Variants in SZT2 observed in about 807,000 individuals in gnomAD.
The protein encoded by SZT2 is SZT2 subunit of KICSTOR complex.
Under a neutral mutation model 404.2 loss-of-function variants are expected in SZT2, and 216 were observed. The observed-to-expected ratio is 0.53, with a 90% confidence interval of 0.48 to 0.60. The LOEUF (loss-of-function observed/expected upper bound fraction) is 0.60. Ranked by LOEUF, SZT2 falls within the 20% of genes least tolerant of loss-of-function variation. SZT2 has a pLI of 0.00. For synonymous variants in SZT2, 1,693 were observed against 1,749.9 expected, an observed-to-expected ratio of 0.97 and a Z score of 0.81; for missense variants, 3,857 against 4,459.2, an observed-to-expected ratio of 0.86 and a Z score of 3.85.
rs1229603505 is a variant in SZT2 at position 43,425,244 on chromosome 1, G to T, written c.2645+37G>T. 1 of 1,611,374 alleles carries T rather than the reference G, an allele frequency of 6.2e-7. No individual in the cohort carries two copies. The highest frequency in any genetic ancestry group is 8.5e-7 in the Non-Finnish European group (1 of 1,177,776). On this transcript the variant is annotated intron_variant, in intron 18 of 71. Transcript: ENST00000634258. This position sits in a 1 kb window ranked among gnomAD's most constrained non-coding sequence, Gnocchi z 4.3. Reference sequence around the variant, plus strand: ...CATCTGTGAGGGCCGCCTCTGCAGAGTCAGCCTTCTCCCCACCATCCCCTA... The same window carrying T: ...CATCTGTGAGGGCCGCCTCTGCAGATTCAGCCTTCTCCCCACCATCCCCTA...
chr1:43,438,069 C>T, intron 46 of SZT2, 167 bp downstream of exon 46: 1 of 661,560 alleles, frequency 1.5e-6, no homozygotes, highest in Non-Finnish European at 2.6e-6. Flanking sequence ...GCTCCAGACC[C>T]TCTGGGACTT....
chr1:43,401,736 T>C (rs946780075), intron 1 of SZT2, among the ~76,000 whole-genome samples: 1 of 152,172 alleles, frequency 6.6e-6, no homozygotes, highest in African/African-American at 2.4e-5. Flanking sequence ...TCCACCCGCC[T>C]CGGCCTCCTG....
intron 67 of SZT2, 57 bp downstream of exon 67, chr1:43,447,755 C>G: frequency 6.2e-7 from 1 of 1,610,464 alleles, no homozygotes; most frequent in East Asian, 2.2e-5. Flanking sequence ...TTGGGACATA[C>G]TTGCAGTAGG....
At chr1:43,446,845 C>A in intron 65 of SZT2, 110 bp from the exon 66 acceptor site, 1 of 1,184,754 alleles carries the variant, frequency 8.4e-7, no homozygotes, top group Non-Finnish European at 1.2e-6. Flanking sequence ...TTCCACTAGG[C>A]CACAGCAGCA....
At chr1:43,416,315 A>G (rs116379826) in intron 6 of SZT2, among the ~76,000 whole-genome samples, 3 of 152,152 alleles carry the variant, frequency 2.0e-5, no homozygotes, top group Non-Finnish European at 4.4e-5. Flanking sequence ...AGCTCCAAGG[A>G]TATCACTTAG....
In SZT2 at chr1:43,453,903, G is replaced by T; in HGVS notation, c.*3423G>T. 1.6e-6 allele frequency: 2 copies of T among 1,216,654 alleles called. No individual in the cohort carries two copies. Among genetic ancestry groups the T allele is most frequent in the Non-Finnish European group, 1.0e-6 (1 of 979,028 alleles). 75.4% of individuals were successfully genotyped at this position (1,216,654 alleles called of 1,614,324 possible). On this transcript the variant is annotated 3_prime_UTR_variant, in exon 72 of 72. Coordinates refer to ENST00000634258, the MANE Select transcript of SZT2 (RefSeq NM_001365999.1). ...CTCCTTGCTGGCCCTGCGAACGAAC[G>T]AGCACTGTTCGTGGTTAGAAAAGCG...
intron 65 of SZT2, 110 bp from the exon 66 acceptor site, chr1:43,446,845 C>T: frequency 8.4e-7 from 1 of 1,184,758 alleles, no homozygotes; most frequent in African/African-American, 1.5e-5. Flanking sequence ...TTCCACTAGG[C>T]CACAGCAGCA....
At position 43,453,891 on chromosome 1, in the gene SZT2, C is replaced by T. The variant is rs1656755684; in HGVS notation, c.*3411C>T. The T allele has an allele frequency of 4.9e-6, 6 of 1,223,316 alleles. No individual in the cohort carries two copies. Among genetic ancestry groups the T allele is most frequent in the Non-Finnish European group, 6.1e-6 (6 of 984,112 alleles). 75.8% of individuals were successfully genotyped at this position (1,223,316 alleles called of 1,614,324 possible). On this transcript the variant is annotated 3_prime_UTR_variant, in exon 72 of 72. Coordinates refer to ENST00000634258, the MANE Select transcript of SZT2 (RefSeq NM_001365999.1). ...GGGGGCGGGGCTCTCCTTGCTGGCC[C>T]TGCGAACGAACGAGCACTGTTCGTG...
chr1:43,444,196 G>T (rs1041374392), intron 62 of SZT2, among the ~76,000 whole-genome samples: 1 of 152,002 alleles, frequency 6.6e-6, no homozygotes, highest in African/African-American at 2.4e-5. Flanking sequence ...TCCTGGGTTC[G>T]AGCAATTCTT....
At position 43,452,519 on chromosome 1, in the gene SZT2, G is replaced by C. The variant is rs2153938233; in HGVS notation, c.*2039G>C. 1.5e-6 allele frequency: 1 copy of C among 673,216 alleles called. No individual in the cohort carries two copies. Among genetic ancestry groups the C allele is most frequent in the African/African-American group, 1.8e-5 (1 of 56,566 alleles). The allele number at this position is 673,216 out of a possible 1,614,324, so 41.7% of individuals were successfully genotyped here. A position where few individuals can be genotyped will look rare whatever the true frequency, so the allele number is the denominator to read the frequency against. On this transcript the variant is annotated 3_prime_UTR_variant, in exon 72 of 72. Transcript: ENST00000634258. ...GGCAAGCCCTTTCCCAGACATCTCA[G>C]TGTCCACCCACCGCCTCCTGCCTCC...
chr1:43,443,001 C>T lies in SZT2; in HGVS notation c.8334C>T (p.Ser2778=), dbSNP rs759931278. Residue 2778 remains serine, a synonymous_variant, in exon 59 of 72, where the codon TCC becomes TCT. Transcript: ENST00000634258. The part of the protein sequence containing the change: ...LRDITAARPS[S]VLGPVPRPPD... ...ATATCACGGCTGCCCGCCCCAGCTCCGTACTTGGTCCTGTGCCCAGACCTC... is the reference window on the plus strand; with the variant it reads ...ATATCACGGCTGCCCGCCCCAGCTCTGTACTTGGTCCTGTGCCCAGACCTC... 1.5e-5 allele frequency: 25 copies of T among 1,614,120 alleles called. 1 individual carries two copies. The East Asian group carries it at 1.8e-4, about 12-fold the overall frequency.
chr1:43,442,730 G>A lies in SZT2; in HGVS notation c.8152-89G>A. The A allele has an allele frequency of 6.5e-7, 1 of 1,535,758 alleles. No individual in the cohort carries two copies. The highest frequency in any genetic ancestry group is 8.7e-7 in the Non-Finnish European group (1 of 1,143,624). On this transcript the variant is annotated intron_variant, in intron 58 of 71. Transcript: ENST00000634258. The surrounding 1 kb of genome is among the most constrained non-coding windows in gnomAD (Gnocchi z 4.5). ...ACAGACTGAGGGCAGAGGTAGTGGG[G>A]AGGGAGAGTCTGAGAGAGGAAGCCC...
chr1:43,451,751 C>G lies in SZT2; in HGVS notation c.*1271C>G. On this transcript the variant is annotated 3_prime_UTR_variant, in exon 72 of 72. Transcript: ENST00000634258. Reference sequence around the variant, plus strand: ...GAGGATACTACATTCCGAGACCCCGCAGGCCCCGCCCTCCTTCCGATCTGC... The same window carrying G: ...GAGGATACTACATTCCGAGACCCCGGAGGCCCCGCCCTCCTTCCGATCTGC... 4.3e-6 allele frequency: 7 copies of G among 1,613,866 alleles called. No homozygotes were observed. Among genetic ancestry groups the G allele is most frequent in the Non-Finnish European group, 5.9e-6 (7 of 1,179,780 alleles).
intron 10 of SZT2, 47 bp from the exon 11 acceptor site, chr1:43,421,127 C>T (rs1046791436): frequency 9.4e-6 from 15 of 1,597,236 alleles, no homozygotes; most frequent in South Asian, 1.1e-5. Context: ...CCCTCATCTG[C>T]ACCCAGCAGA....
Position 43,403,271 on chromosome 1 carries a change from A to G in SZT2, c.122A>G (p.Gln41Arg), listed in dbSNP as rs1570563868. 1 of 1,613,944 alleles carries G rather than the reference A, an allele frequency of 6.2e-7. No homozygotes were observed. Among genetic ancestry groups the G allele is most frequent in the Non-Finnish European group, 8.5e-7 (1 of 1,180,040 alleles). Residue 41 changes from glutamine (Q) to arginine (R), a missense_variant, in exon 2 of 72, where the codon CAA becomes CGA. By Grantham distance (43) the Gln-to-Arg change is conservative. Coordinates refer to ENST00000634258, the MANE Select transcript of SZT2 (RefSeq NM_001365999.1). ...RLAWFLSHLH[Q>R]TVQATPQEML... ...GCTTGGTTCCTCAGTCATCTGCACCAAACTGTGCAGGCCACACCCCAGGAG... is the reference window on the plus strand; with the variant it reads ...GCTTGGTTCCTCAGTCATCTGCACCGAACTGTGCAGGCCACACCCCAGGAG...
At chr1:43,390,078 A>C in intron 1 of SZT2, 83 bp downstream of exon 1, 1 of 1,351,542 alleles carries the variant, frequency 7.4e-7, no homozygotes, top group Non-Finnish European at 9.5e-7. Flanking sequence ...GGCCTCCTCT[A>C]GGTCTGGGGG....
Position 43,448,234 on chromosome 1 carries a change from T to A in SZT2, c.9719T>A (p.Leu3240Gln). ...CCTGGGGAGGCCTCAGGGCTTATTC[T>A]AGCGCCTGGACCGGCTCCTCTGTTC... ...GSPGEASGLI[L>Q]APGPAPLFPP... is the part of the protein sequence containing the mutation. Residue 3240 changes from leucine (L) to glutamine (Q), a missense_variant, in exon 69 of 72, where the codon CTA becomes CAA. Leu to Gln is a moderately radical substitution (Grantham distance 113). Coordinates refer to ENST00000634258, the MANE Select transcript of SZT2 (RefSeq NM_001365999.1). This position sits in a 1 kb window ranked among gnomAD's most constrained non-coding sequence, Gnocchi z 4.2. 1.9e-6 allele frequency: 3 copies of A among 1,600,022 alleles called. No homozygotes were observed. Among genetic ancestry groups the A allele is most frequent in the Non-Finnish European group, 2.6e-6 (3 of 1,173,484 alleles).
Position 43,431,356 on chromosome 1 carries a change from C to A in SZT2, c.5008C>A (p.Pro1670Thr). 1 of 1,611,890 alleles carries A rather than the reference C, an allele frequency of 6.2e-7. No individual in the cohort carries two copies. ...SDDGLGPPLP[P>T]PEEERHPGLS... ...TGATGGCCTCGGGCCCCCACTGCCA[C>A]CCCCAGAAGAGGAGAGGTACTTCTT... The change falls in exon 34 of 72, where the codon CCC becomes ACC. Residue 1670 changes from proline (P) to threonine (T), a missense_variant. Physicochemically the swap from Pro to Thr is conservative, Grantham distance 38 (BLOSUM62 -1). This residue lies in a region of SZT2 where 1,725 missense variants were observed against 1,881.0 expected (regional missense o/e 0.92). Transcript: ENST00000634258.
Position 43,430,306 on chromosome 1 carries a change from C to T in SZT2, c.4402-5C>T. 6.2e-7 allele frequency: 1 copy of T among 1,613,732 alleles called. No individual in the cohort carries two copies. Among genetic ancestry groups the T allele is most frequent in the Non-Finnish European group, 8.5e-7 (1 of 1,179,904 alleles). On this transcript the variant is annotated splice_polypyrimidine_tract_variant and splice_region_variant and intron_variant, in intron 30 of 71. Coordinates refer to ENST00000634258, the MANE Select transcript of SZT2 (RefSeq NM_001365999.1). ...CTCATCATCTTGCTTCATTCTTTTG[C>T]CTAGGATGAGGGGCCTCGGGACACA...
Sources: allele counts gnomAD v4.1 joint callset (sites outside exome capture counted in the v4.1 genomes callset), GRCh38; gene constraint gnomAD v4.1.1; regional missense constraint gnomAD v4.1.1; non-coding constraint Gnocchi (gnomAD v3.1); transcripts MANE v1.5; gene names NCBI Gene and HGNC (gene_info 2026-07-23, HGNC 2026-07-21).